The following FAIM2 variants were observed in gnomAD, a reference collection of about 807,000 sequenced individuals.
FAIM2 encodes Fas apoptotic inhibitory molecule 2.
Under a neutral mutation model 47.4 loss-of-function variants are expected in FAIM2, and 27 were observed. The ratio of observed to expected loss-of-function variants is 0.57; its 90% CI spans 0.42 to 0.78. The LOEUF (loss-of-function observed/expected upper bound fraction) is 0.78. Among genes scored for constraint, FAIM2 ranks in the 30% least tolerant of loss-of-function variants. The pLI, the probability that FAIM2 is intolerant of heterozygous loss-of-function variation, is 0.00. For missense variants in FAIM2, 311 were observed against 389.4 expected, an observed-to-expected ratio of 0.80 and a Z score of 1.69; for synonymous variants, 156 against 159.3, an observed-to-expected ratio of 0.98 and a Z score of 0.16.
chr12:49,870,390 G>A lies in FAIM2; in HGVS notation c.*114C>T, dbSNP rs1305410777. 12 of 995,790 alleles carry A rather than the reference G, an allele frequency of 1.2e-5. No homozygotes were observed. Among genetic ancestry groups the A allele is most frequent in the Non-Finnish European group, 1.8e-5 (12 of 653,172 alleles). The allele number at this position is 995,790 out of a possible 1,614,324, so 61.7% of individuals were successfully genotyped here. A position where few individuals can be genotyped will look rare whatever the true frequency, so the allele number is the denominator to read the frequency against. ...CTGGGCTGGGGTAGACAGTGACCTG[G>A]CCACAGGCTGGGTTGGCAGCTAGTT... On this transcript the variant is annotated 3_prime_UTR_variant, in exon 12 of 12. Transcript: ENST00000320634.
At chr12:49,902,582 A>C (rs1447775000) in intron 1 of FAIM2, among the ~76,000 whole-genome samples, 1 of 152,206 alleles carries the variant, frequency 6.6e-6, no homozygotes, top group African/African-American at 2.4e-5. Context: ...GGAAGGGAAC[A>C]GCGCCACTAA....
chr12:49,895,620 C>G (rs1239007965), intron 5 of FAIM2, among the ~76,000 whole-genome samples: 1 of 152,214 alleles, frequency 6.6e-6, no homozygotes, highest in Non-Finnish European at 1.5e-5. Flanking sequence ...ACACATGCCT[C>G]CCTGCCTGCC....
intron 11 of FAIM2, among the ~76,000 whole-genome samples, chr12:49,878,331 T>C (rs1946757871): frequency 7.3e-6 from 1 of 136,668 alleles, no homozygotes; most frequent in Admixed American, 8.2e-5. Context: ...TGTATTTGTG[T>C]GCATGTGAGT....
chr12:49,867,491 C>T lies in FAIM2; in HGVS notation c.*3013G>A. ...GATTCCGGGGCTTCCCCAGGTGATA[C>T]CGAAGGAGCCATAGGTGTGCCCGGG... On this transcript the variant is annotated 3_prime_UTR_variant, in exon 12 of 12. Coordinates refer to ENST00000320634, the MANE Select transcript of FAIM2 (RefSeq NM_012306.4). 6.6e-6 allele frequency: 1 copy of T among 152,318 alleles called. No individual in the cohort carries two copies. Among genetic ancestry groups the T allele is most frequent in the Non-Finnish European group, 1.5e-5 (1 of 68,062 alleles). The allele number at this position is 152,318 out of a possible 1,614,324, so 9.4% of individuals were successfully genotyped here.
At chr12:49,879,546 ATGGG>A (rs1009019991) in intron 11 of FAIM2, among the ~76,000 whole-genome samples, 1 of 144,562 alleles carries the variant, frequency 6.9e-6, no homozygotes, top group Non-Finnish European at 1.5e-5. Context: ...ATGTGAGTGT[ATGGG>A]TGTATGTGCA....
intron 2 of FAIM2, among the ~76,000 whole-genome samples, chr12:49,899,814 C>T (rs1946968966): frequency 6.6e-6 from 1 of 152,226 alleles, no homozygotes; most frequent in African/African-American, 2.4e-5. Context: ...ATCAATGCAT[C>T]CTCCGAAACA....
intron 11 of FAIM2, among the ~76,000 whole-genome samples, chr12:49,885,690 T>C (rs1269567984): frequency 1.3e-5 from 2 of 152,174 alleles, no homozygotes; most frequent in African/African-American, 4.8e-5. Context: ...TGAGCCATTA[T>C]CTTGCCGGGA....
chr12:49,903,369 T>C (rs1459434189), intron 1 of FAIM2, among the ~76,000 whole-genome samples: 1 of 152,116 alleles, frequency 6.6e-6, no homozygotes, highest in Non-Finnish European at 1.5e-5. Flanking sequence ...ATAAAGTGGT[T>C]GGGTTTGGGA....
chr12:49,899,818 C>T (rs1310451529), intron 2 of FAIM2, among the ~76,000 whole-genome samples: 3 of 152,202 alleles, frequency 2.0e-5, no homozygotes, highest in Admixed American at 6.5e-5. Flanking sequence ...ATGCATCCTC[C>T]GAAACAAACC....
intron 11 of FAIM2, among the ~76,000 whole-genome samples, chr12:49,878,287 TGA>T (rs1387555423): frequency 5.1e-5 from 7 of 136,474 alleles, no homozygotes; most frequent in Non-Finnish European, 6.2e-5. Flanking sequence ...TGTCTATATG[TGA>T]GTGTATGGGT....
chr12:49,882,586 C>A (rs1286753762), intron 11 of FAIM2, among the ~76,000 whole-genome samples: 2 of 152,204 alleles, frequency 1.3e-5, no homozygotes, highest in Non-Finnish European at 2.9e-5. Context: ...TGATCCCGAC[C>A]AGGGCCTTTT....
In FAIM2 at chr12:49,877,952, A is replaced by ATGTGTG. The variant is rs570363633; in HGVS notation, c.802-7305_802-7300dup. ...CATCTGTATGTGTGTATATGTGCGT[A>ATGTGTG]TGTGTGTGTATGTGTATGTGTGCAT... On this transcript the variant is annotated intron_variant, in intron 11 of 11. Transcript: ENST00000320634. Among the ~76,000 whole-genome samples, 3 of 144,792 alleles carry ATGTGTG rather than the reference A, an allele frequency of 2.1e-5. No individual in the cohort carries two copies. The East Asian group carries it at 6.1e-4, about 30-fold the overall frequency. 95.0% of individuals were successfully genotyped at this position (144,792 alleles called of 152,430 possible).
At position 49,897,555 on chromosome 12, in the gene FAIM2, A is replaced by T; in HGVS notation, c.344T>A (p.Leu115Gln). 1 of 1,614,138 alleles carries T rather than the reference A, an allele frequency of 6.2e-7. No homozygotes were observed. Among genetic ancestry groups the T allele is most frequent in the Non-Finnish European group, 8.5e-7 (1 of 1,180,006 alleles). The change falls in exon 4 of 12, where the codon CTG becomes CAG. Residue 115 changes from leucine (L) to glutamine (Q), a missense_variant. Physicochemically the swap from Leu to Gln is moderately radical, Grantham distance 113 (BLOSUM62 -2). Transcript: ENST00000320634. ...GAGAGCCACGACAGCCAAGGTCACC[A>T]GCAGCTGAATCAGCAGGATGGTGTA... ...KVYTILLIQLLVTLAVVALFT... is the reference protein window; with the variant it reads ...KVYTILLIQLQVTLAVVALFT...
intron 4 of FAIM2, 83 bp downstream of exon 4, chr12:49,897,436 G>A: frequency 7.8e-7 from 1 of 1,281,936 alleles, no homozygotes; most frequent in Non-Finnish European, 1.1e-6. Context: ...CAGCATTCCA[G>A]CAGGAGTCTG....
intron 10 of FAIM2, among the ~76,000 whole-genome samples, chr12:49,887,756 G>A (rs1946872085): frequency 6.6e-6 from 1 of 152,004 alleles, no homozygotes. Context: ...CTCTAGCCTG[G>A]GACTGCTTGA....
Position 49,870,538 on chromosome 12 carries a change from A to G in FAIM2, c.917T>C (p.Phe306Ser), listed in dbSNP as rs1391660428. 1 of 1,613,948 alleles carries G rather than the reference A, an allele frequency of 6.2e-7. No individual in the cohort carries two copies. The highest frequency in any genetic ancestry group is 1.7e-5 in the Admixed American group (1 of 60,000). Reference protein sequence around the residue: ...IYLDIIYIFTFFLQLFGTNRE With the variant: ...IYLDIIYIFTSFLQLFGTNRE ...GTTAGTGCCAAAAAGCTGCAGGAAGAAGGTGAAGATATAGATGATGTCTAG... is the reference window on the plus strand; with the variant it reads ...GTTAGTGCCAAAAAGCTGCAGGAAGGAGGTGAAGATATAGATGATGTCTAG... The change falls in exon 12 of 12, where the codon TTC becomes TCC. Residue 306 changes from phenylalanine (F) to serine (S), a missense_variant. By Grantham distance (155) the Phe-to-Ser change is radical (BLOSUM62 -2). Coordinates refer to ENST00000320634, the MANE Select transcript of FAIM2 (RefSeq NM_012306.4).
intron 11 of FAIM2, among the ~76,000 whole-genome samples, chr12:49,878,800 A>ATGTGTGTCTGTGTATG (rs1555158031): frequency 3.8e-5 from 3 of 78,562 alleles, no homozygotes; most frequent in Non-Finnish European, 6.6e-5. Context: ...CTGTGTGTAT[A>ATGTGTGTCTGTGTATG]TGTGTGCATG....
chr12:49,885,505 T>C lies in FAIM2; in HGVS notation c.801+1881A>G, dbSNP rs191123162. Among the ~76,000 whole-genome samples, 5 of 152,316 alleles carry C rather than the reference T, an allele frequency of 3.3e-5. No homozygotes were observed. The East Asian group carries it at 9.6e-4, about 29-fold the overall frequency. On this transcript the variant is annotated intron_variant, in intron 11 of 11. Transcript: ENST00000320634. The stretch of plus-strand genomic sequence containing the variant: ...AAACCTTTCTTTAGGAAGTATTGCC[T>C]GGAGGGAAGAGCATGGTGCGGGGTC...
chr12:49,898,152 A>G, intron 2 of FAIM2, 62 bp from the exon 3 acceptor site: 2 of 1,251,454 alleles, frequency 1.6e-6, no homozygotes, highest in Non-Finnish European at 2.4e-6. Context: ...ACTGTCCCCA[A>G]CAGCCCCCAA....
Sources: allele counts gnomAD v4.1 joint callset (sites outside exome capture counted in the v4.1 genomes callset), GRCh38; gene constraint gnomAD v4.1.1; transcripts MANE v1.5; gene names NCBI Gene and HGNC (gene_info 2026-07-23, HGNC 2026-07-21).